GRID1: variants seen among roughly 807,000 people sequenced by gnomAD.
GRID1 encodes the protein glutamate receptor ionotropic, delta-1.
In GRID1, 28 loss-of-function variants were observed where a neutral mutation model predicts 98.0. That is an observed-to-expected ratio of 0.29 (90% confidence interval 0.21 to 0.39). The LOEUF (loss-of-function observed/expected upper bound fraction) is 0.39. GRID1 is among the 10% of genes least tolerant of loss of function. The pLI is 1.00. For missense variants in GRID1, 1,111 were observed against 1,340.5 expected, an observed-to-expected ratio of 0.83 and a Z score of 2.67; for synonymous variants, 553 against 538.5, an observed-to-expected ratio of 1.03 and a Z score of -0.37.
chr10:86,277,381 T>C (rs984600904), intron 2 of GRID1, among the ~76,000 whole-genome samples: 11 of 152,308 alleles, frequency 7.2e-5, no homozygotes, highest in Admixed American at 7.2e-4. Flanking sequence ...AACTCAAAGC[T>C]GCATGAAGGA....
chr10:86,223,135 C>T (rs538504290), intron 2 of GRID1, among the ~76,000 whole-genome samples: 2 of 152,120 alleles, frequency 1.3e-5, no homozygotes, highest in Non-Finnish European at 2.9e-5. Flanking sequence ...CCACATACTG[C>T]TCATTGCTCT....
chr10:85,925,044 GAA>G (rs971107327), intron 4 of GRID1, among the ~76,000 whole-genome samples: 2 of 152,198 alleles, frequency 1.3e-5, no homozygotes, highest in African/African-American at 2.4e-5. Flanking sequence ...AATATCAGCA[GAA>G]AAATGAAATG....
intron 12 of GRID1, among the ~76,000 whole-genome samples, chr10:85,669,632 G>T (rs1331475033): frequency 6.6e-6 from 1 of 151,932 alleles, no homozygotes; most frequent in Admixed American, 6.6e-5. Flanking sequence ...CTCATGACTT[G>T]CCCTGCTCTG....
intron 2 of GRID1, among the ~76,000 whole-genome samples, chr10:86,357,745 A>C (rs1343537018): frequency 6.6e-6 from 1 of 152,144 alleles, no homozygotes; most frequent in Non-Finnish European, 1.5e-5. Flanking sequence ...TGAGTTCAGC[A>C]CGGGCTTGTG....
intron 2 of GRID1, among the ~76,000 whole-genome samples, chr10:86,333,815 T>C (rs1235904476): frequency 2.6e-5 from 4 of 152,180 alleles, no homozygotes; most frequent in Non-Finnish European, 5.9e-5. Flanking sequence ...TCTTGTTGTC[T>C]TCACATTGAG....
intron 4 of GRID1, among the ~76,000 whole-genome samples, chr10:86,064,736 C>T (rs965527043): frequency 6.6e-6 from 1 of 152,192 alleles, no homozygotes. Context: ...ATCAGAAAGC[C>T]TCACACTTCC....
At chr10:86,047,525 C>A (rs976265267) in intron 4 of GRID1, among the ~76,000 whole-genome samples, 2 of 152,226 alleles carry the variant, frequency 1.3e-5, no homozygotes, top group Non-Finnish European at 2.9e-5. Flanking sequence ...TTGCGGGGAG[C>A]ACCGCTACAT....
rs79737455 is a variant in GRID1 at position 85,722,840 on chromosome 10, T to C, written c.1997+163A>G. On this transcript the variant is annotated intron_variant, in intron 12 of 15. Transcript: ENST00000327946. ...TTATGTAATTGTGCCTGAGATAAAATACAACAGGAGTGAAGCTCTTCTCCA... is the reference window on the plus strand; with the variant it reads ...TTATGTAATTGTGCCTGAGATAAAACACAACAGGAGTGAAGCTCTTCTCCA... Among the ~76,000 whole-genome samples, 655 of 152,292 alleles carry C rather than the reference T, an allele frequency of 4.3e-3. 5 individuals carry two copies. The highest frequency in any genetic ancestry group is 0.014 in the African/African-American group (579 of 41,562).
intron 12 of GRID1, among the ~76,000 whole-genome samples, chr10:85,679,113 G>A (rs1841178526): frequency 6.6e-6 from 1 of 152,190 alleles, no homozygotes; most frequent in Non-Finnish European, 1.5e-5. Flanking sequence ...TACCATGGCA[G>A]TAATTCTCAG....
chr10:85,898,576 AG>A (rs2131814018), intron 5 of GRID1, among the ~76,000 whole-genome samples: 1 of 152,258 alleles, frequency 6.6e-6, no homozygotes, highest in Admixed American at 6.5e-5. Flanking sequence ...TTATTCTATA[AG>A]CTTTTTTCTA....
intron 4 of GRID1, among the ~76,000 whole-genome samples, chr10:86,061,168 C>A (rs762040361): frequency 1.4e-4 from 21 of 152,198 alleles, no homozygotes; most frequent in Non-Finnish European, 2.6e-4. Context: ...TCTTTCTCTG[C>A]AGAGCTCAGG....
At chr10:86,259,848 C>T (rs1846985174) in intron 2 of GRID1, among the ~76,000 whole-genome samples, 1 of 152,264 alleles carries the variant, frequency 6.6e-6, no homozygotes, top group Admixed American at 6.5e-5. Flanking sequence ...ATCAAGAAGT[C>T]CCTGAGACCC....
chr10:85,936,497 C>A (rs1403625563), intron 4 of GRID1, among the ~76,000 whole-genome samples: 19 of 149,520 alleles, frequency 1.3e-4, no homozygotes, highest in Non-Finnish European at 7.4e-5. Context: ...GTGATAAATG[C>A]CTTCTAAAAA....
chr10:85,792,071 CTTAAG>C (rs1311872330), intron 8 of GRID1, among the ~76,000 whole-genome samples: 3 of 152,298 alleles, frequency 2.0e-5, no homozygotes, highest in African/African-American at 4.8e-5. Flanking sequence ...TAGTGCATAA[CTTAAG>C]TTATCTACCC....
At chr10:85,607,678 G>T (rs978366062) in intron 15 of GRID1, among the ~76,000 whole-genome samples, 2 of 152,130 alleles carry the variant, frequency 1.3e-5, no homozygotes, top group South Asian at 4.1e-4. Context: ...GTAGCAGCAG[G>T]TGCACCGAGG....
At chr10:86,193,546 C>T (rs938408304) in intron 3 of GRID1, among the ~76,000 whole-genome samples, 1 of 152,032 alleles carries the variant, frequency 6.6e-6, no homozygotes, top group Admixed American at 6.6e-5. Context: ...AACCTTCCTG[C>T]CATAGTACCC....
intron 4 of GRID1, among the ~76,000 whole-genome samples, chr10:85,922,524 T>A (rs763026763): frequency 6.6e-6 from 1 of 152,210 alleles, no homozygotes; most frequent in Non-Finnish European, 1.5e-5. Context: ...AGCATCTTTT[T>A]AAAACCCCAA....
At chr10:85,791,252 T>G (rs1429207421) in intron 8 of GRID1, among the ~76,000 whole-genome samples, 1 of 152,178 alleles carries the variant, frequency 6.6e-6, no homozygotes, top group Non-Finnish European at 1.5e-5. Context: ...TGTTGTGGTT[T>G]CCAGCCACAC....
At chr10:85,635,814 C>CAGGA (rs985325887) in intron 13 of GRID1, among the ~76,000 whole-genome samples, 1 of 152,170 alleles carries the variant, frequency 6.6e-6, no homozygotes, top group Non-Finnish European at 1.5e-5. Context: ...GAGGGATAAC[C>CAGGA]AGGAACCAGC....
Sources: allele counts gnomAD v4.1 joint callset (sites outside exome capture counted in the v4.1 genomes callset), GRCh38; gene constraint gnomAD v4.1.1; transcripts MANE v1.5; gene names NCBI Gene and HGNC (gene_info 2026-07-23, HGNC 2026-07-21).